The following ATRNL1 variants were observed in gnomAD, a reference collection of about 807,000 sequenced individuals.
ATRNL1 encodes the protein attractin like 1.
Under a neutral mutation model 182.7 loss-of-function variants are expected in ATRNL1, and 95 were observed. The observed-to-expected ratio is 0.52, with a 90% CI of 0.44 to 0.62. ATRNL1 has a LOEUF of 0.62. Ranked by LOEUF, ATRNL1 falls within the 20% of genes least tolerant of loss-of-function variation. ATRNL1 has a pLI of 0.00. For synonymous variants in ATRNL1, 576 were observed against 568.3 expected (o/e 1.01, Z -0.19); for missense variants, 1,471 against 1,679.5 (o/e 0.88, Z 2.17).
At chr10:115,511,272 T>G (rs1850372189) in intron 24 of ATRNL1, among the ~76,000 whole-genome samples, 1 of 151,960 alleles carries the variant, frequency 6.6e-6, no homozygotes, top group African/African-American at 2.4e-5. Flanking sequence ...ACAGCTAATT[T>G]AATCTCCAAT....
chr10:115,269,404 G>A (rs1851744685), intron 13 of ATRNL1, among the ~76,000 whole-genome samples: 1 of 151,996 alleles, frequency 6.6e-6, no homozygotes, highest in South Asian at 2.1e-4. Context: ...GCATGATCTC[G>A]GTTCACTGCA....
chr10:115,144,351 G>T (rs1196244530), intron 5 of ATRNL1, among the ~76,000 whole-genome samples: 2 of 151,754 alleles, frequency 1.3e-5, no homozygotes, highest in Non-Finnish European at 2.9e-5. Flanking sequence ...GGTTTCATGG[G>T]GTCTCACCGT....
intron 26 of ATRNL1, among the ~76,000 whole-genome samples, chr10:115,690,911 A>ATCC (rs1946373696): frequency 6.6e-6 from 1 of 152,144 alleles, no homozygotes; most frequent in Non-Finnish European, 1.5e-5. Context: ...AGCAGTCCAC[A>ATCC]GTAGGGATGT....
chr10:115,726,321 C>T (rs141635874), intron 26 of ATRNL1, among the ~76,000 whole-genome samples: 1 of 152,208 alleles, frequency 6.6e-6, no homozygotes, highest in East Asian at 1.9e-4. Flanking sequence ...AGGATTTTGC[C>T]TTTCTTCAAT....
At chr10:115,575,966 G>A (rs1380083153) in intron 26 of ATRNL1, among the ~76,000 whole-genome samples, 2 of 151,950 alleles carry the variant, frequency 1.3e-5, no homozygotes, top group Non-Finnish European at 2.9e-5. Flanking sequence ...ACTTGTTTTA[G>A]GTATCACATA....
chr10:115,642,769 A>G (rs2133860899), intron 26 of ATRNL1, among the ~76,000 whole-genome samples: 1 of 152,316 alleles, frequency 6.6e-6, no homozygotes, highest in East Asian at 1.9e-4. Flanking sequence ...TTTATGAATT[A>G]GTAGGCTGAT....
At chr10:115,193,340 T>C (rs1379003490) in intron 8 of ATRNL1, among the ~76,000 whole-genome samples, 3 of 152,022 alleles carry the variant, frequency 2.0e-5, no homozygotes, top group Admixed American at 1.3e-4. Context: ...TTCATTCTGT[T>C]GACACCATCA....
chr10:115,672,961 A>G (rs1945746379), intron 26 of ATRNL1, among the ~76,000 whole-genome samples: 1 of 152,088 alleles, frequency 6.6e-6, no homozygotes, highest in Non-Finnish European at 1.5e-5. Context: ...TTCATTGCCA[A>G]ATCCTGCCAC....
At chr10:115,597,943 A>G (rs1465561375) in intron 26 of ATRNL1, 1 of 167,440 alleles carries the variant, frequency 6.0e-6, no homozygotes, top group Non-Finnish European at 1.3e-5. Flanking sequence ...TGATATATAG[A>G]TTATTTTTGG....
intron 10 of ATRNL1, among the ~76,000 whole-genome samples, chr10:115,257,062 A>G (rs1472489636): frequency 6.6e-6 from 1 of 152,150 alleles, no homozygotes; most frequent in Non-Finnish European, 1.5e-5. Context: ...TATGTGGTCA[A>G]CTTTAGAATA....
chr10:115,867,046 CATA>C (rs1309163848), intron 28 of ATRNL1, among the ~76,000 whole-genome samples: 1 of 152,058 alleles, frequency 6.6e-6, no homozygotes, highest in Non-Finnish European at 1.5e-5. Context: ...AAACCTTTAC[CATA>C]ATAAGTCTGA....
intron 8 of ATRNL1, among the ~76,000 whole-genome samples, chr10:115,198,284 T>C (rs1249353510): frequency 6.6e-6 from 1 of 152,190 alleles, no homozygotes; most frequent in Non-Finnish European, 1.5e-5. Context: ...CATTTTTTCA[T>C]ATACCTGTTG....
At chr10:115,724,417 A>G (rs993969814) in intron 26 of ATRNL1, among the ~76,000 whole-genome samples, 1 of 152,178 alleles carries the variant, frequency 6.6e-6, no homozygotes, top group African/African-American at 2.4e-5. Flanking sequence ...CTGAGACAAA[A>G]ATAGTGCTTG....
At chr10:115,291,810 G>GT (rs869274544) in intron 15 of ATRNL1, among the ~76,000 whole-genome samples, 7,434 of 120,048 alleles carry the variant, frequency 0.062, 431 homozygotes, top group African/African-American at 0.14. Context: ...TGGCCTCTAG[G>GT]TTTTTTTTTT....
chr10:115,145,207 G>T (rs1845920797), intron 5 of ATRNL1, among the ~76,000 whole-genome samples: 1 of 152,096 alleles, frequency 6.6e-6, no homozygotes, highest in Non-Finnish European at 1.5e-5. Context: ...TGGTGCAAGG[G>T]TTATATAAGG....
At chr10:115,496,297 C>G (rs1328340368) in intron 24 of ATRNL1, among the ~76,000 whole-genome samples, 1 of 152,084 alleles carries the variant, frequency 6.6e-6, no homozygotes, top group Non-Finnish European at 1.5e-5. Flanking sequence ...TATCTATGTA[C>G]TTAAGTGTCT....
chr10:115,107,619 A>G (rs1220259780), intron 1 of ATRNL1, among the ~76,000 whole-genome samples: 1 of 152,210 alleles, frequency 6.6e-6, no homozygotes, highest in Non-Finnish European at 1.5e-5. Flanking sequence ...CCCTGCTCCC[A>G]TGGCCCTATT....
chr10:115,138,163 G>C (rs1419133719), intron 5 of ATRNL1, among the ~76,000 whole-genome samples: 1 of 152,236 alleles, frequency 6.6e-6, no homozygotes, highest in Admixed American at 6.5e-5. Context: ...GGGCAGCTCT[G>C]CTCCTGTGGC....
intron 27 of ATRNL1, among the ~76,000 whole-genome samples, chr10:115,783,080 T>C (rs2134193418): frequency 6.6e-6 from 1 of 152,316 alleles, no homozygotes; most frequent in East Asian, 1.9e-4. Context: ...AATTTTTTTC[T>C]AAAAGCAGAC....
Sources: gnomAD v4.1 joint callset for allele counts (sites outside exome capture counted in the v4.1 genomes callset) on GRCh38, gnomAD v4.1.1 for gene constraint, MANE v1.5 for transcripts, NCBI Gene and HGNC (gene_info 2026-07-23, HGNC 2026-07-21) for gene names.